Variants in STPG2 observed in about 807,000 individuals in gnomAD.
The protein encoded by STPG2 is sperm tail PG-rich repeat containing 2.
In STPG2, 56 loss-of-function variants were observed where a neutral mutation model predicts 54.2. That is an observed-to-expected ratio of 1.03 (90% confidence interval 0.83 to 1.29). The LOEUF (loss-of-function observed/expected upper bound fraction) is 1.29, where lower values mean the gene tolerates loss of function less well. Ranked by LOEUF, STPG2 falls within the 50% of genes most tolerant of loss-of-function variation. The probability of loss-of-function intolerance (pLI) is 0.00; values close to 1 mark genes in which losing one functional copy is unlikely to be tolerated. For missense variants in STPG2, 596 were observed against 544.9 expected (o/e 1.09, Z -0.93); for synonymous variants, 200 against 181.8 (o/e 1.10, Z -0.81).
chr4:97,604,174 A>T (rs1221459597), intron 10 of STPG2, among the ~76,000 whole-genome samples: 4 of 151,660 alleles, frequency 2.6e-5, no homozygotes, highest in Admixed American at 2.0e-4. Flanking sequence ...TTGAAATAGT[A>T]ATCTAGTAAT....
At chr4:97,531,577 G>A (rs1731414844) in intron 4 of STPG2, among the ~76,000 whole-genome samples, 1 of 152,130 alleles carries the variant, frequency 6.6e-6, no homozygotes. Context: ...TGGAAATGGA[G>A]GTCATTATGT....
chr4:97,572,932 T>A (rs2077867428), intron 10 of STPG2, among the ~76,000 whole-genome samples: 1 of 152,250 alleles, frequency 6.6e-6, no homozygotes, highest in Admixed American at 6.6e-5. Context: ...CAAAATGAAT[T>A]CAATAGGCGT....
At chr4:97,713,179 G>A (rs1724186021) in intron 9 of STPG2, among the ~76,000 whole-genome samples, 1 of 152,106 alleles carries the variant, frequency 6.6e-6, no homozygotes. Flanking sequence ...AATACAAATG[G>A]GATTTAAAGA....
chr4:97,837,249 G>A (rs1474699398), intron 9 of STPG2, among the ~76,000 whole-genome samples: 4 of 151,310 alleles, frequency 2.6e-5, no homozygotes, highest in African/African-American at 4.8e-5. Flanking sequence ...AGAATTCTAG[G>A]GTCAAATGGC....
At chr4:97,711,572 A>T (rs912229998) in intron 10 of STPG2, among the ~76,000 whole-genome samples, 4 of 152,120 alleles carry the variant, frequency 2.6e-5, no homozygotes, top group African/African-American at 9.7e-5. Flanking sequence ...CAACAAGATA[A>T]CAATTCTTTG....
intron 4 of STPG2, among the ~76,000 whole-genome samples, chr4:97,482,686 A>C (rs1214618701): frequency 6.6e-6 from 1 of 151,574 alleles, no homozygotes; most frequent in Non-Finnish European, 1.5e-5. Flanking sequence ...CCTATATGAC[A>C]AAATGCAAGA....
chr4:97,703,661 CAT>C (rs1465303617), intron 10 of STPG2, among the ~76,000 whole-genome samples: 17 of 136,196 alleles, frequency 1.2e-4, no homozygotes, highest in East Asian at 4.2e-4. Context: ...ATAAATAAAA[CAT>C]ATATAAAATA....
intron 10 of STPG2, among the ~76,000 whole-genome samples, chr4:97,590,771 T>C (rs558037398): frequency 2.0e-5 from 3 of 151,928 alleles, no homozygotes; most frequent in African/African-American, 7.2e-5. Flanking sequence ...ATTAATAATA[T>C]TAATGCCTAT....
chr4:97,682,127 C>T (rs934701036), intron 10 of STPG2, among the ~76,000 whole-genome samples: 1 of 151,622 alleles, frequency 6.6e-6, no homozygotes, highest in Non-Finnish European at 1.5e-5. Context: ...AAGTTATATG[C>T]TACCAAATCT....
At chr4:97,527,589 G>A (rs1428414514) in intron 4 of STPG2, among the ~76,000 whole-genome samples, 2 of 152,126 alleles carry the variant, frequency 1.3e-5, no homozygotes, top group East Asian at 1.9e-4. Context: ...CTTCCACAAT[G>A]GTTGAACTAA....
chr4:97,485,633 A>G (rs1730334924), intron 4 of STPG2, among the ~76,000 whole-genome samples: 1 of 151,886 alleles, frequency 6.6e-6, no homozygotes, highest in Non-Finnish European at 1.5e-5. Context: ...CCATACTGAC[A>G]AAAGCAATCT....
intron 4 of STPG2, among the ~76,000 whole-genome samples, chr4:97,477,400 C>T (rs945716293): frequency 1.3e-5 from 2 of 151,254 alleles, no homozygotes; most frequent in South Asian, 4.2e-4. Context: ...GAAAAGTATG[C>T]AAAGAAAAAT....
At chr4:97,850,568 C>G (rs1034818650) in intron 8 of STPG2, among the ~76,000 whole-genome samples, 1 of 151,096 alleles carries the variant, frequency 6.6e-6, no homozygotes, top group Non-Finnish European at 1.5e-5. Flanking sequence ...TGTATATGCA[C>G]GTCATTATTT....
At chr4:97,912,257 C>T (rs1400428670) in intron 8 of STPG2, among the ~76,000 whole-genome samples, 1 of 152,164 alleles carries the variant, frequency 6.6e-6, no homozygotes, top group African/African-American at 2.4e-5. Context: ...AACTACAGCG[C>T]CTATTCTTCA....
At chr4:98,065,308 C>A in intron 5 of STPG2, among the ~76,000 whole-genome samples, 1 of 151,948 alleles carries the variant, frequency 6.6e-6, no homozygotes, top group African/African-American at 2.4e-5. Context: ...TCTAGAAAAG[C>A]TAAGATAATA....
rs113060090 is a variant in STPG2, at chr4:97,702,859, G to A, written c.1320+9840C>T. ...GCTGTGCCTGCACCTTTCGTTGCACGTCAGCCACTTGCATGATAAGAGCTT... is the reference window on the plus strand; with the variant it reads ...GCTGTGCCTGCACCTTTCGTTGCACATCAGCCACTTGCATGATAAGAGCTT... On this transcript the variant is annotated intron_variant, in intron 10 of 10. Coordinates refer to ENST00000295268, the MANE Select transcript of STPG2 (RefSeq NM_174952.3). Among the ~76,000 whole-genome samples the A allele has an allele frequency of 6.8e-3, 1,031 of 152,172 alleles. 6 individuals carry two copies. Among genetic ancestry groups the A allele is most frequent in the African/African-American group, 8.6e-3 (359 of 41,514 alleles).
intron 7 of STPG2, among the ~76,000 whole-genome samples, chr4:97,954,985 A>C (rs542638742): frequency 6.6e-6 from 1 of 152,328 alleles, no homozygotes; most frequent in South Asian, 2.1e-4. Context: ...AAAAAATAGA[A>C]AAGAAATAGT....
chr4:98,061,144 G>A (rs1157407540), intron 5 of STPG2, among the ~76,000 whole-genome samples: 1 of 152,156 alleles, frequency 6.6e-6, no homozygotes, highest in Non-Finnish European at 1.5e-5. Context: ...CTACAGATGG[G>A]AGAAAATATT....
chr4:97,675,735 T>C (rs542986864), intron 10 of STPG2, among the ~76,000 whole-genome samples: 4 of 151,490 alleles, frequency 2.6e-5, no homozygotes, highest in African/African-American at 9.7e-5. Context: ...CCCTCCTGGG[T>C]TGACTTTGCA....
Sources: allele counts gnomAD v4.1 joint callset (sites outside exome capture counted in the v4.1 genomes callset), GRCh38; gene constraint gnomAD v4.1.1; transcripts MANE v1.5; gene names NCBI Gene and HGNC (gene_info 2026-07-23, HGNC 2026-07-21).